The following PLEKHG1 variants were observed in gnomAD, a reference collection of about 807,000 sequenced individuals.
The protein encoded by PLEKHG1 is pleckstrin homology and RhoGEF domain containing G1, also known as pleckstrin homology domain-containing family G member 1.
Under a neutral mutation model 100.8 loss-of-function variants are expected in PLEKHG1, and 44 were observed. The observed-to-expected ratio is 0.44, with a 90% CI of 0.34 to 0.56. The LOEUF is 0.56. Ranked by LOEUF, PLEKHG1 falls within the 20% of genes least tolerant of loss-of-function variation. PLEKHG1 has a pLI of 0.01. For missense variants in PLEKHG1, 1,545 were observed against 1,720.9 expected (o/e 0.90, Z 1.81); for synonymous variants, 640 against 662.5 (o/e 0.97, Z 0.52).
At chr6:150,674,130 A>C (rs1779663036) in intron 3 of PLEKHG1, among the ~76,000 whole-genome samples, 1 of 152,076 alleles carries the variant, frequency 6.6e-6, no homozygotes, top group African/African-American at 2.4e-5. Context: ...CAGCTCCTCC[A>C]CCTTCTTCTT....
intron 3 of PLEKHG1, among the ~76,000 whole-genome samples, chr6:150,657,220 T>G (rs1779005203): frequency 6.6e-6 from 1 of 152,158 alleles, no homozygotes; most frequent in Admixed American, 6.5e-5. Context: ...TATTGATAAC[T>G]TCATTAAAAG....
At chr6:150,717,545 C>A (rs796299637), upstream of PLEKHG1, among the ~76,000 whole-genome samples, 15 of 152,318 alleles carry the variant, frequency 9.8e-5, 1 homozygote, top group African/African-American at 3.1e-4. Context: ...AGAAGGCCAC[C>A]TGCACCTCCT....
At chr6:150,757,281 G>A (rs150692046) in intron 2 of PLEKHG1, among the ~76,000 whole-genome samples, 86 of 152,286 alleles carry the variant, frequency 5.6e-4, no homozygotes, top group East Asian at 5.6e-3. Flanking sequence ...GATTACAGGC[G>A]TGAGCCACCG....
At chr6:150,773,965 T>G (rs918958345) in intron 3 of PLEKHG1, among the ~76,000 whole-genome samples, 2 of 152,216 alleles carry the variant, frequency 1.3e-5, no homozygotes, top group Non-Finnish European at 2.9e-5. Context: ...CAGCTTTTGA[T>G]GTTATTTGGA....
In PLEKHG1 at chr6:150,779,301, G is replaced by A. The variant is rs917629294; in HGVS notation, c.513-7089G>A. On this transcript the variant is annotated intron_variant, in intron 3 of 15. Coordinates refer to ENST00000358517, the Ensembl canonical transcript of PLEKHG1. ...TGAAACTAAAGCTTGGAGGCAATCC[G>A]AACATACAATTTAAAACACAGGGGG... Among the ~76,000 whole-genome samples the A allele has an allele frequency of 8.2e-5, 12 of 146,066 alleles. No individual in the cohort carries two copies. The East Asian group carries it at 1.4e-3, about 17-fold the overall frequency.
At position 150,652,210 on chromosome 6, in the gene PLEKHG1, G is replaced by A. The variant is rs149544643; in HGVS notation, c.-99+1424G>A. 2.4e-3 allele frequency among the ~76,000 whole-genome samples: 361 copies of A among 152,276 alleles called. 3 individuals are homozygous for A. The highest frequency in any genetic ancestry group is 8.2e-3 in the African/African-American group (340 of 41,562). The stretch of plus-strand genomic sequence containing the variant: ...AAGGGAAAGAAGGAAGAGGAGATAT[G>A]CCTTTCTGTTAGGTCCAGGCAATTA... On this transcript the variant is annotated intron_variant, in intron 3 of 3. Coordinates refer to the PLEKHG1 transcript ENST00000367326.
At chr6:150,675,926 G>A (rs1158815559) in intron 3 of PLEKHG1, among the ~76,000 whole-genome samples, 3 of 152,078 alleles carry the variant, frequency 2.0e-5, no homozygotes, top group African/African-American at 4.8e-5. Flanking sequence ...TAGATGAAAC[G>A]AGTAAAAAGT....
intron 15 of PLEKHG1, among the ~76,000 whole-genome samples, chr6:150,838,882 G>A (rs530378249): frequency 1.2e-4 from 19 of 152,246 alleles, no homozygotes; most frequent in African/African-American, 4.3e-4. Flanking sequence ...TTGGGGATGT[G>A]AAATGAGATG....
chr6:150,639,169 G>T lies in PLEKHG1; in HGVS notation c.-158+1044G>T, dbSNP rs1274626684. ...TGAGAACCGCTTGGCCCCAATCTCT[G>T]AGTACAGTGTTTTAAAATTGAACTG... On this transcript the variant is annotated intron_variant, in intron 2 of 3. Coordinates refer to the PLEKHG1 transcript ENST00000367326. Among the ~76,000 whole-genome samples the T allele has an allele frequency of 2.0e-5, 3 of 152,268 alleles. No homozygotes were observed. In the East Asian group the frequency reaches 5.8e-4, roughly 29 times the overall value.
At chr6:150,611,576 C>T (rs1482007151) in intron 1 of PLEKHG1, among the ~76,000 whole-genome samples, 5 of 152,092 alleles carry the variant, frequency 3.3e-5, no homozygotes, top group Admixed American at 2.6e-4. Flanking sequence ...CTTTGGGAGG[C>T]CGAGGCAGGT....
intron 3 of PLEKHG1, among the ~76,000 whole-genome samples, chr6:150,691,348 T>G (rs1364609120): frequency 6.6e-6 from 1 of 152,214 alleles, no homozygotes; most frequent in East Asian, 1.9e-4. Flanking sequence ...AAGAGACTCT[T>G]AGGAAGGTAT....
intron 12 of PLEKHG1, 54 bp downstream of exon 13, chr6:150,819,828 A>G (rs1776196741): frequency 1.1e-6 from 1 of 948,912 alleles, no homozygotes; most frequent in Admixed American, 1.7e-5. Context: ...TGGCAATGAA[A>G]GTCCCTTTGA....
At chr6:150,734,632 G>A (rs548789384) in intron 2 of PLEKHG1, among the ~76,000 whole-genome samples, 1 of 152,286 alleles carries the variant, frequency 6.6e-6, no homozygotes, top group African/African-American at 2.4e-5. Flanking sequence ...GTTTGCAGCC[G>A]CTGCTGTCTG....
intron 14 of PLEKHG1, among the ~76,000 whole-genome samples, 156 bp from the exon 16 acceptor site, chr6:150,830,426 T>G (rs554472879): frequency 6.6e-6 from 1 of 152,202 alleles, no homozygotes; most frequent in Admixed American, 6.5e-5. Flanking sequence ...AGTTTGAGAT[T>G]AGCCTGGGTA....
chr6:150,769,176 A>C (rs1784590028), intron 3 of PLEKHG1, among the ~76,000 whole-genome samples: 1 of 152,214 alleles, frequency 6.6e-6, no homozygotes, highest in African/African-American at 2.4e-5. Context: ...GATAATTTTA[A>C]ATAATCAGTT....
chr6:150,745,316 C>T (rs769872827), intron 2 of PLEKHG1, among the ~76,000 whole-genome samples: 26 of 152,204 alleles, frequency 1.7e-4, no homozygotes, highest in Non-Finnish European at 3.7e-4. Context: ...ATCATATCTG[C>T]AGTCCATCAG....
At chr6:150,837,810 T>C (rs1487266826) in intron 15 of PLEKHG1, among the ~76,000 whole-genome samples, 1 of 152,264 alleles carries the variant, frequency 6.6e-6, no homozygotes, top group Non-Finnish European at 1.5e-5. Flanking sequence ...TTTACACTCT[T>C]TCTCTTAAGA....
intron 14 of PLEKHG1, among the ~76,000 whole-genome samples, chr6:150,829,652 A>G (rs995538287): frequency 3.3e-5 from 5 of 152,196 alleles, no homozygotes; most frequent in African/African-American, 1.2e-4. Context: ...TTAAAAAATT[A>G]TTAATATTGT....
rs187723583 is a variant in PLEKHG1 at position 150,736,569 on chromosome 6, G to C, written c.411+2477G>C. On this transcript the variant is annotated intron_variant, in intron 2 of 15. Transcript: ENST00000358517. ...GGATCACCTGAGGTCGGGAGTTCGA[G>C]ACCAGCCTGGACAACATGGTGAAAG... Among the ~76,000 whole-genome samples, 1,018 of 152,280 alleles carry C rather than the reference G, an allele frequency of 6.7e-3. 16 individuals carry two copies. Among genetic ancestry groups the C allele is most frequent in the African/African-American group, 0.023 (952 of 41,562 alleles).
Sources: allele counts gnomAD v4.1 joint callset (sites outside exome capture counted in the v4.1 genomes callset), GRCh38; gene constraint gnomAD v4.1.1; transcripts MANE v1.5; gene names NCBI Gene and HGNC (gene_info 2026-07-23, HGNC 2026-07-21).